The following LRP1B variants were observed in gnomAD, a reference collection of about 807,000 sequenced individuals.
LRP1B encodes low-density lipoprotein receptor-related protein 1B.
Under a neutral mutation model 556.6 loss-of-function variants are expected in LRP1B, and 217 were observed. That is an observed-to-expected ratio of 0.39 (90% CI 0.35 to 0.44). The LOEUF (loss-of-function observed/expected upper bound fraction) is 0.44, where lower values mean the gene tolerates loss of function less well. LRP1B is among the 20% of genes least tolerant of loss of function. The pLI is 1.00. For missense variants in LRP1B, 5,053 were observed against 5,620.8 expected, an observed-to-expected ratio of 0.90 and a Z score of 3.23; for synonymous variants, 2,047 against 1,865.8, an observed-to-expected ratio of 1.10 and a Z score of -2.50.
intron 59 of LRP1B, among the ~76,000 whole-genome samples, chr2:140,482,101 T>C (rs1485225189): frequency 2.6e-5 from 4 of 152,108 alleles, no homozygotes; most frequent in Non-Finnish European, 5.9e-5. Flanking sequence ...TTTAATCAGC[T>C]ACCTACATAC....
intron 7 of LRP1B, among the ~76,000 whole-genome samples, chr2:141,118,876 T>C (rs973442045): frequency 3.3e-5 from 5 of 151,906 alleles, no homozygotes; most frequent in Non-Finnish European, 7.4e-5. Context: ...CATACAAACA[T>C]GTCCTTTAAG....
intron 2 of LRP1B, among the ~76,000 whole-genome samples, chr2:141,711,240 G>C (rs936512739): frequency 6.6e-6 from 1 of 152,146 alleles, no homozygotes; most frequent in Non-Finnish European, 1.5e-5. Flanking sequence ...AACCAGAGCT[G>C]ACTTGGCAGG....
At chr2:141,192,714 A>T (rs1574176061) in intron 6 of LRP1B, among the ~76,000 whole-genome samples, 1 of 151,876 alleles carries the variant, frequency 6.6e-6, no homozygotes, top group Non-Finnish European at 1.5e-5. Context: ...TTTCTGCTCT[A>T]TATCAATATC....
rs559739429 is a variant in LRP1B, at chr2:140,722,637, G to A, written c.5759-5821C>T. ...TCACTTTACCAGATAAGGGGCAAAT[G>A]AGCAGCTTCAAATAAGCAATGACTT... is the stretch of plus-strand genomic sequence containing the variant. On this transcript the variant is annotated intron_variant, in intron 35 of 90. Coordinates refer to ENST00000389484, the MANE Select transcript of LRP1B (RefSeq NM_018557.3). Among the ~76,000 whole-genome samples the A allele has an allele frequency of 1.4e-4, 21 of 152,284 alleles. No homozygotes were observed. The South Asian group carries it at 3.3e-3, about 24-fold the overall frequency.
At chr2:142,032,235 C>T (rs1321078630) in intron 1 of LRP1B, among the ~76,000 whole-genome samples, 1 of 151,864 alleles carries the variant, frequency 6.6e-6, no homozygotes, top group Non-Finnish European at 1.5e-5. Flanking sequence ...ACATCTATAG[C>T]TTCACCTGTT....
At chr2:141,204,367 T>G (rs1336153202) in intron 6 of LRP1B, among the ~76,000 whole-genome samples, 1 of 152,162 alleles carries the variant, frequency 6.6e-6, no homozygotes, top group African/African-American at 2.4e-5. Context: ...CTGAAAGTTG[T>G]TAGAACATCT....
intron 2 of LRP1B, among the ~76,000 whole-genome samples, chr2:141,720,516 C>T (rs1574281769): frequency 6.6e-6 from 1 of 152,002 alleles, no homozygotes. Flanking sequence ...CCTTTTACAG[C>T]TTCAGGAAGT....
Position 141,320,909 on chromosome 2 carries a change from T to A in LRP1B, c.344-66268A>T, listed in dbSNP as rs184004313. On this transcript the variant is annotated intron_variant, in intron 3 of 90. Transcript: ENST00000389484. ...TAACAAAGGCTTTATATACTGTTCTTCTGAGGATTTATAATAAGAATTGTG... is the reference window on the plus strand; with the variant it reads ...TAACAAAGGCTTTATATACTGTTCTACTGAGGATTTATAATAAGAATTGTG... Among the ~76,000 whole-genome samples, 3 of 152,212 alleles carry A rather than the reference T, an allele frequency of 2.0e-5. No individual in the cohort carries two copies. In the East Asian group the frequency reaches 5.8e-4, roughly 29 times the overall value.
chr2:140,356,716 A>G (rs1682240546), intron 74 of LRP1B, among the ~76,000 whole-genome samples: 1 of 151,782 alleles, frequency 6.6e-6, no homozygotes, highest in African/African-American at 2.4e-5. Flanking sequence ...TGATATTTAG[A>G]GCTGCTGTTA....
chr2:141,518,249 A>G (rs1684397496), intron 2 of LRP1B, among the ~76,000 whole-genome samples: 1 of 152,158 alleles, frequency 6.6e-6, no homozygotes, highest in Non-Finnish European at 1.5e-5. Context: ...GACAGGCCCA[A>G]AAGTGAGTGT....
intron 84 of LRP1B, among the ~76,000 whole-genome samples, chr2:140,297,315 G>A (rs182490330): frequency 6.6e-6 from 1 of 152,296 alleles, no homozygotes; most frequent in Non-Finnish European, 1.5e-5. Context: ...TCATGAGAAG[G>A]AGAAGGTGTG....
chr2:141,858,004 T>A (rs1274907924), intron 1 of LRP1B, among the ~76,000 whole-genome samples: 1 of 152,188 alleles, frequency 6.6e-6, no homozygotes, highest in African/African-American at 2.4e-5. Context: ...GATGCTAGAA[T>A]AGAAATCTTT....
intron 35 of LRP1B, among the ~76,000 whole-genome samples, chr2:140,766,865 T>TAA (rs1281746887): frequency 1.7e-5 from 1 of 58,936 alleles, no homozygotes; most frequent in Admixed American, 1.9e-4. Context: ...TATATATATA[T>TAA]AATATATATA....
chr2:141,832,892 A>G (rs1443599511), intron 1 of LRP1B, among the ~76,000 whole-genome samples: 1 of 151,822 alleles, frequency 6.6e-6, no homozygotes. Flanking sequence ...CTTTTATTTA[A>G]CTACTCACAG....
At chr2:141,619,203 AG>A (rs1360451485) in intron 2 of LRP1B, among the ~76,000 whole-genome samples, 1 of 152,190 alleles carries the variant, frequency 6.6e-6, no homozygotes, top group Non-Finnish European at 1.5e-5. Flanking sequence ...TTATAATCAT[AG>A]GGCCTGATCT....
chr2:140,486,126 T>C (rs988348027), intron 58 of LRP1B, among the ~76,000 whole-genome samples: 3 of 152,054 alleles, frequency 2.0e-5, no homozygotes, highest in Admixed American at 6.6e-5. Context: ...CATGTATAAA[T>C]ATAATATATA....
intron 18 of LRP1B, among the ~76,000 whole-genome samples, chr2:140,971,205 T>C (rs1696412870): frequency 6.6e-6 from 1 of 152,140 alleles, no homozygotes; most frequent in Admixed American, 6.5e-5. Context: ...TTTAAAACAC[T>C]GGTGTCTTTC....
At chr2:141,059,576 A>G (rs1558832268) in intron 8 of LRP1B, among the ~76,000 whole-genome samples, 2 of 151,842 alleles carry the variant, frequency 1.3e-5, no homozygotes, top group Non-Finnish European at 2.9e-5. Context: ...CAGCACAGAA[A>G]GTAATATATA....
At chr2:142,067,401 A>T (rs998754140) in intron 1 of LRP1B, among the ~76,000 whole-genome samples, 2 of 151,620 alleles carry the variant, frequency 1.3e-5, no homozygotes, top group Admixed American at 6.6e-5. Context: ...GGATTTAATC[A>T]GAAACTAAAT....
Sources: allele counts gnomAD v4.1 joint callset (sites outside exome capture counted in the v4.1 genomes callset), GRCh38; gene constraint gnomAD v4.1.1; transcripts MANE v1.5; gene names NCBI Gene and HGNC (gene_info 2026-07-23, HGNC 2026-07-21).